Variants in ZC3H12C observed in about 807,000 individuals in gnomAD.
ZC3H12C encodes zinc finger CCCH-type containing 12C, also known as probable ribonuclease ZC3H12C.
Under a neutral mutation model 76.3 loss-of-function variants are expected in ZC3H12C, and 20 were observed. The observed-to-expected ratio is 0.26, with a 90% confidence interval of 0.18 to 0.38. ZC3H12C has a LOEUF of 0.38. Ranked by LOEUF, ZC3H12C falls within the 10% of genes least tolerant of loss-of-function variation. The probability of loss-of-function intolerance (pLI) is 1.00; values close to 1 mark genes in which losing one functional copy is unlikely to be tolerated. For synonymous variants in ZC3H12C, 352 were observed against 399.6 expected (o/e 0.88, Z 1.42); for missense variants, 874 against 1,086.5 (o/e 0.80, Z 2.75).
In ZC3H12C at chr11:110,170,857, A is replaced by ACTTTGTTTTTCC. The variant is rs1862664980; in HGVS notation, c.*5120_*5121insCTTTGTTTTTCC. ...GTTTTAACAATGTTTATTGTTTTTT[A>ACTTTGTTTTTCC]AGTGGTTACTTTGTTTTTCCTTAAT... On this transcript the variant is annotated 3_prime_UTR_variant, in exon 6 of 6. Coordinates refer to ENST00000278590, the MANE Select transcript of ZC3H12C (RefSeq NM_033390.2). 1.3e-5 allele frequency: 2 copies of ACTTTGTTTTTCC among 152,176 alleles called. No individual in the cohort carries two copies. The highest frequency in any genetic ancestry group is 4.1e-4 in the South Asian group (2 of 4,828). 9.4% of individuals were successfully genotyped at this position (152,176 alleles called of 1,614,324 possible).
intron 1 of ZC3H12C, among the ~76,000 whole-genome samples, chr11:110,105,838 A>G (rs1250262697): frequency 2.0e-5 from 3 of 152,212 alleles, no homozygotes; most frequent in African/African-American, 4.8e-5. Context: ...GCTGTAATTT[A>G]ATTATGATAT....
chr11:110,139,725 C>T (rs1276018060), intron 2 of ZC3H12C, among the ~76,000 whole-genome samples: 1 of 152,100 alleles, frequency 6.6e-6, no homozygotes, highest in Admixed American at 6.6e-5. Flanking sequence ...GGTCATAGAT[C>T]CCTGAGGAAT....
In ZC3H12C at chr11:110,164,899, G is replaced by A; in HGVS notation, c.1814G>A (p.Arg605Gln). 4 of 1,613,926 alleles carry A rather than the reference G, an allele frequency of 2.5e-6. No individual in the cohort carries two copies. Among genetic ancestry groups the A allele is most frequent in the East Asian group, 2.2e-5 (1 of 44,882 alleles). Residue 605 changes from arginine to glutamine, a missense_variant, in exon 6 of 6, where the codon CGA becomes CAA. This residue lies in a region of ZC3H12C where 395 missense variants were observed against 434.4 expected (regional missense o/e 0.91). Coordinates refer to ENST00000278590, the MANE Select transcript of ZC3H12C (RefSeq NM_033390.2). This position sits in a 1 kb window ranked among gnomAD's most constrained non-coding sequence, Gnocchi z 5.7. ...AYSNLSLSGP[R>Q]SPERRFSLDT... The stretch of plus-strand genomic sequence containing the variant: ...TCAAATCTGAGTCTCTCAGGCCCAC[G>A]AAGCCCTGAAAGGCGTTTCTCCTTA...
At chr11:110,100,236 G>A (rs1030121892) in intron 1 of ZC3H12C, among the ~76,000 whole-genome samples, 1 of 120,664 alleles carries the variant, frequency 8.3e-6, no homozygotes, top group Non-Finnish European at 1.7e-5. Context: ...TTTGATACAG[G>A]GTCTCTCTAT....
At position 110,159,276 on chromosome 11, in the gene ZC3H12C, T is replaced by C. The variant is rs760604390; in HGVS notation, c.934T>C (p.Leu312=). 6.2e-7 allele frequency: 1 copy of C among 1,611,372 alleles called. No individual in the cohort carries two copies. The highest frequency in any genetic ancestry group is 8.5e-7 in the Non-Finnish European group (1 of 1,178,608). ...TGCAGATCAGGAAATTTTACGTAAATTAGAGAAGGAGAAAATCCTGGTGTT... is the reference window on the plus strand; with the variant it reads ...TGCAGATCAGGAAATTTTACGTAAACTAGAGAAGGAGAAAATCCTGGTGTT... ...LITDQEILRK[L]EKEKILVFTP... Residue 312 remains leucine, a synonymous_variant, in exon 4 of 6, where the codon TTA becomes CTA. Transcript: ENST00000278590.
chr11:110,103,183 A>G (rs567649630), intron 1 of ZC3H12C, among the ~76,000 whole-genome samples: 5 of 152,344 alleles, frequency 3.3e-5, no homozygotes, highest in Non-Finnish European at 5.9e-5. Context: ...CCAAACATTT[A>G]AAATTTAACT....
chr11:110,117,744 A>G (rs1432438868), intron 1 of ZC3H12C, among the ~76,000 whole-genome samples: 3 of 104,920 alleles, frequency 2.9e-5, no homozygotes, highest in Non-Finnish European at 5.9e-5. Context: ...ACACACACAT[A>G]TATATATTAT....
chr11:110,120,785 A>T (rs1675979), intron 1 of ZC3H12C, among the ~76,000 whole-genome samples: 107,771 of 152,092 alleles, frequency 0.71, 38,487 homozygotes, highest in East Asian at 0.89. Context: ...TGTGTGCTCT[A>T]CTCCCAGGAT....
At chr11:110,155,247 C>T (rs1056183341) in intron 3 of ZC3H12C, among the ~76,000 whole-genome samples, 3 of 151,044 alleles carry the variant, frequency 2.0e-5, no homozygotes, top group South Asian at 2.1e-4. Flanking sequence ...TGCAGTGAGC[C>T]GAGATCATGC....
At position 110,168,659 on chromosome 11, in the gene ZC3H12C, T is replaced by C. The variant is rs905415246; in HGVS notation, c.*2922T>C. The stretch of plus-strand genomic sequence containing the variant: ...CTTTACACAGTAACTAGCCAGTCTG[T>C]TGTCTCTGTGTCTTAGTCCAGAGGG... On this transcript the variant is annotated 3_prime_UTR_variant, in exon 6 of 6. Coordinates refer to ENST00000278590, the MANE Select transcript of ZC3H12C (RefSeq NM_033390.2). 1 of 152,204 alleles carries C rather than the reference T, an allele frequency of 6.6e-6. No individual in the cohort carries two copies. The highest frequency in any genetic ancestry group is 2.4e-5 in the African/African-American group (1 of 41,462). The allele number at this position is 152,204 out of a possible 1,614,324, so 9.4% of individuals were successfully genotyped here.
intron 1 of ZC3H12C, among the ~76,000 whole-genome samples, chr11:110,135,135 AT>A (rs1158910412): frequency 5.3e-5 from 8 of 152,092 alleles, no homozygotes; most frequent in Admixed American, 4.6e-4. Context: ...GCAGTCTGAA[AT>A]TCAACTATCG....
chr11:110,102,695 T>C (rs1309295918), intron 1 of ZC3H12C, among the ~76,000 whole-genome samples: 2 of 152,202 alleles, frequency 1.3e-5, no homozygotes, highest in Admixed American at 6.5e-5. Flanking sequence ...CAGCGTTGCA[T>C]GCTACAGAGA....
Position 110,137,028 on chromosome 11 carries a change from C to G in ZC3H12C, c.387C>G (p.His129Gln), listed in dbSNP as rs1565260394. ...GCAGGTCTCCCTGTTTAGAGCCTCA[C>G]ATACTCAAGCGCAATGAAATTTTGC... ...QLCRSPCLEP[H>Q]ILKRNEILQD... The change falls in exon 2 of 6, where the codon CAC becomes CAG. Residue 129 changes from histidine to glutamine, a missense_variant. His to Gln is a conservative substitution (Grantham distance 24). Around this residue, in one of 3 missense-constraint regions of ZC3H12C, gnomAD observed 210 missense variants for 227.1 expected, o/e 0.92. Transcript: ENST00000278590. 1 of 1,613,826 alleles carries G rather than the reference C, an allele frequency of 6.2e-7. No homozygotes were observed. The highest frequency in any genetic ancestry group is 2.2e-5 in the East Asian group (1 of 44,890).
At chr11:110,125,270 AGTGT>A (rs59512764) in intron 1 of ZC3H12C, among the ~76,000 whole-genome samples, 7,300 of 138,474 alleles carry the variant, frequency 0.053, 193 homozygotes, top group Admixed American at 0.07. Flanking sequence ...ATCTCTCACT[AGTGT>A]GTGTGTGTGT....
intron 3 of ZC3H12C, among the ~76,000 whole-genome samples, chr11:110,157,525 C>A (rs887084315): frequency 7.3e-5 from 11 of 150,928 alleles, no homozygotes; most frequent in African/African-American, 2.7e-4. Flanking sequence ...GCCTTCACTT[C>A]CCAGGGTTCA....
At chr11:110,136,468 C>T (rs1353224401) in intron 1 of ZC3H12C, 195 bp from the exon 2 acceptor site, 10 of 578,820 alleles carry the variant, frequency 1.7e-5, no homozygotes, top group South Asian at 2.5e-5. Flanking sequence ...AATTACATGG[C>T]CTTTCTAATT....
intron 1 of ZC3H12C, among the ~76,000 whole-genome samples, chr11:110,094,611 A>C (rs1055837712): frequency 6.6e-6 from 1 of 152,218 alleles, no homozygotes; most frequent in African/African-American, 2.4e-5. Context: ...ATTTAATCAC[A>C]TGTACAATTA....
In ZC3H12C at chr11:110,137,377, A is replaced by C. The variant is rs1157989441; in HGVS notation, c.736A>C (p.Arg246=). 2 of 1,611,510 alleles carry C rather than the reference A, an allele frequency of 1.2e-6. No homozygotes were observed. The highest frequency in any genetic ancestry group is 1.7e-6 in the Non-Finnish European group (2 of 1,179,242). The change falls in exon 2 of 6, where the codon AGA becomes CGA. Residue 246 remains arginine, a synonymous_variant. Transcript: ENST00000278590. The part of the protein sequence containing the change: ...EIVTDDGENL[R]PIVIDGSNVA... ...TGTAACAGATGATGGTGAAAATCTG[A>C]GACCAATAGTTATTGATGGCAGCAA...
chr11:110,153,368 A>C (rs566525647), intron 3 of ZC3H12C, among the ~76,000 whole-genome samples: 1 of 152,180 alleles, frequency 6.6e-6, no homozygotes, highest in South Asian at 2.1e-4. Context: ...TTGTATTTTT[A>C]GTAGAGACAG....
Sources: gnomAD v4.1 joint callset for allele counts (sites outside exome capture counted in the v4.1 genomes callset) on GRCh38, gnomAD v4.1.1 for gene constraint, gnomAD v4.1.1 regional missense constraint, Gnocchi (gnomAD v3.1) non-coding constraint, MANE v1.5 for transcripts, NCBI Gene and HGNC (gene_info 2026-07-23, HGNC 2026-07-21) for gene names.